The following MAOB variants were observed in gnomAD, a reference collection of about 807,000 sequenced individuals.
MAOB encodes amine oxidase [flavin-containing] B.
MAOB carries 15 observed loss-of-function variants against 41.9 expected under a neutral mutation model. That is an observed-to-expected ratio of 0.36 (90% CI 0.24 to 0.55). MAOB has a LOEUF of 0.55. Among genes scored for constraint, MAOB ranks in the 20% least tolerant of loss-of-function variants. MAOB has a pLI of 0.86. For missense variants in MAOB, 345 were observed against 398.7 expected, an observed-to-expected ratio of 0.87 and a Z score of 1.15; for synonymous variants, 167 against 144.2, an observed-to-expected ratio of 1.16 and a Z score of -1.13.
chrX:43,857,114 TATAGAGAGAG>T (rs1248137173), intron 1 of MAOB, among the ~76,000 whole-genome samples: 43 of 11,451 alleles, frequency 3.8e-3, no homozygotes, highest in African/African-American at 4.2e-3. Flanking sequence ...TATATATATA[TATAGAGAGAG>T]AGAGAGAGAG....
At chrX:43,818,526 C>T (rs922449660) in intron 3 of MAOB, among the ~76,000 whole-genome samples, 1 of 112,200 alleles carries the variant, frequency 8.9e-6, no homozygotes, top group Non-Finnish European at 1.9e-5. Context: ...CAACAGCAGG[C>T]ACCAACATTG....
intron 3 of MAOB, among the ~76,000 whole-genome samples, chrX:43,810,258 AAAAAAAAAAAGAAAGCTATTGG>A (rs1251358794): frequency 1.9e-5 from 2 of 105,931 alleles, no homozygotes; most frequent in East Asian, 5.8e-4. Flanking sequence ...AAAAAAAAAA[AAAAAAAAAAAGAAAGCTATTGG>A]AAGTTCAATT....
chrX:43,867,756 C>T lies in MAOB; in HGVS notation c.46+14498G>A, dbSNP rs2035375069. Among the ~76,000 whole-genome samples, 7 of 112,269 alleles carry T rather than the reference C, an allele frequency of 6.2e-5. No individual in the cohort carries two copies. The Admixed American group carries it at 6.6e-4, about 11-fold the overall frequency. On this transcript the variant is annotated intron_variant, in intron 1 of 14. Transcript: ENST00000378069. ...GATATTGCTGTTATTATATTTTGCA[C>T]ATGTATTTTGTTTGTTCTTCACATA...
chrX:43,874,001 G>A (rs2035425164), intron 1 of MAOB, among the ~76,000 whole-genome samples: 1 of 111,865 alleles, frequency 8.9e-6, no homozygotes, highest in South Asian at 3.7e-4. Flanking sequence ...CAAATAAGAT[G>A]AACTATTCAT....
intron 5 of MAOB, among the ~76,000 whole-genome samples, chrX:43,800,315 T>G (rs2034576714): frequency 9.0e-6 from 1 of 111,240 alleles, no homozygotes; most frequent in African/African-American, 3.3e-5. Context: ...ATTAAAAGCT[T>G]TTCATAACAG....
intron 3 of MAOB, among the ~76,000 whole-genome samples, chrX:43,832,045 G>A (rs779955684): frequency 2.7e-5 from 3 of 111,744 alleles, no homozygotes; most frequent in Non-Finnish European, 5.6e-5. Flanking sequence ...TTTCACTAAA[G>A]CTGATCCATT....
At chrX:43,846,821 T>C (rs574291901) in intron 1 of MAOB, among the ~76,000 whole-genome samples, 14 of 111,948 alleles carry the variant, frequency 1.3e-4, no homozygotes, top group African/African-American at 4.2e-4. Context: ...TTCTTTTCTA[T>C]GTTGGTTGTT....
intron 7 of MAOB, 105 bp downstream of exon 7, chrX:43,795,634 A>T (rs2034518078): frequency 1.5e-6 from 1 of 669,283 alleles, no homozygotes; most frequent in Admixed American, 3.1e-5. Context: ...GCCATCAATC[A>T]TTGGCATCAA....
At position 43,768,662 on chromosome X, in the gene MAOB, C is replaced by G; in HGVS notation, c.1402G>C (p.Glu468Gln). 8.3e-7 allele frequency: 1 copy of G among 1,205,963 alleles called. No homozygotes were observed. Among genetic ancestry groups the G allele is most frequent in the Non-Finnish European group, 1.1e-6 (1 of 890,412 alleles). ...PEDEIWQSEP[E>Q]SVDVPAQPIT... ...AATAAAACATAGCCTACCACAGACT[C>G]TGGTTCTGACTGCCAGATTTCATCC... is the stretch of plus-strand genomic sequence containing the variant. The change falls in exon 14 of 15, where the codon GAG becomes CAG. Residue 468 changes from glutamate to glutamine, a missense_variant. By Grantham distance (29) the Glu-to-Gln change is conservative. Coordinates refer to ENST00000378069, the MANE Select transcript of MAOB (RefSeq NM_000898.5).
chrX:43,877,636 G>C (rs1157503411), intron 1 of MAOB, among the ~76,000 whole-genome samples: 1 of 111,815 alleles, frequency 8.9e-6, no homozygotes, highest in Non-Finnish European at 1.9e-5. Context: ...AGTTAAGACA[G>C]GAATCAAATG....
At chrX:43,856,760 G>T (rs932658797) in intron 1 of MAOB, among the ~76,000 whole-genome samples, 13 of 109,391 alleles carry the variant, frequency 1.2e-4, no homozygotes, top group Non-Finnish European at 2.1e-4. Context: ...CATCAAAAAG[G>T]CTTCATCATT....
At chrX:43,782,121 C>T (rs1340788038) in intron 8 of MAOB, among the ~76,000 whole-genome samples, 2 of 110,443 alleles carry the variant, frequency 1.8e-5, no homozygotes, top group African/African-American at 6.6e-5. Flanking sequence ...TAGCAGAAGA[C>T]AAGAAATAAC....
chrX:43,799,803 C>T (rs1008722378), intron 5 of MAOB, among the ~76,000 whole-genome samples: 7 of 111,223 alleles, frequency 6.3e-5, no homozygotes, highest in East Asian at 2.8e-4. Context: ...GATGAGAGAA[C>T]GAGTGTCTTC....
chrX:43,781,584 T>C (rs767855138), intron 8 of MAOB, 40 bp from the exon 9 acceptor site: 4 of 728,079 alleles, frequency 5.5e-6, no homozygotes, highest in Non-Finnish European at 8.3e-6. Context: ...TTCATCACTC[T>C]ATCAAAATAT....
At chrX:43,882,031 A>G (rs1356668048) in intron 1 of MAOB, among the ~76,000 whole-genome samples, 1 of 112,224 alleles carries the variant, frequency 8.9e-6, no homozygotes, top group Non-Finnish European at 1.9e-5. Flanking sequence ...GAGCTGCAAC[A>G]GGCTTCCAGC....
intron 3 of MAOB, among the ~76,000 whole-genome samples, chrX:43,826,983 G>GTA (rs1196919083): frequency 2.7e-5 from 3 of 111,412 alleles, no homozygotes; most frequent in Non-Finnish European, 5.6e-5. Context: ...ACAAATACAT[G>GTA]TATAATATGA....
chrX:43,775,147 G>A, intron 12 of MAOB, 28 bp downstream of exon 12: 1 of 1,097,548 alleles, frequency 9.1e-7, no homozygotes. Flanking sequence ...GGGGATTTCT[G>A]TAACAGCTTA....
chrX:43,776,899 C>T (rs5952686), intron 11 of MAOB, among the ~76,000 whole-genome samples: 3,633 of 86,789 alleles, frequency 0.042, 180 homozygotes, highest in African/African-American at 0.14. Flanking sequence ...CTGAGAATGA[C>T]GGTTTCCAGC....
intron 1 of MAOB, among the ~76,000 whole-genome samples, chrX:43,873,607 C>G (rs1422474564): frequency 1.8e-5 from 2 of 111,457 alleles, no homozygotes; most frequent in Non-Finnish European, 3.8e-5. Flanking sequence ...TCAGACCTAC[C>G]TGAAGATGTT....
Sources: gnomAD v4.1 joint callset for allele counts (sites outside exome capture counted in the v4.1 genomes callset) on GRCh38, gnomAD v4.1.1 for gene constraint, MANE v1.5 for transcripts, NCBI Gene and HGNC (gene_info 2026-07-23, HGNC 2026-07-21) for gene names.